Variants in SCEL observed in about 807,000 individuals in gnomAD.
SCEL encodes sciellin.
Under a neutral mutation model 117.6 loss-of-function variants are expected in SCEL, and 113 were observed. The ratio of observed to expected loss-of-function variants is 0.96; its 90% CI spans 0.83 to 1.12. The LOEUF (loss-of-function observed/expected upper bound fraction) is 1.12, where lower values mean the gene tolerates loss of function less well. Ranked by LOEUF, SCEL falls within the 50% of genes most tolerant of loss-of-function variation. The pLI, the probability that SCEL is intolerant of heterozygous loss-of-function variation, is 0.00. For missense variants in SCEL, 785 were observed against 810.8 expected, an observed-to-expected ratio of 0.97 and a Z score of 0.39; for synonymous variants, 270 against 256.2, an observed-to-expected ratio of 1.05 and a Z score of -0.51.
At chr13:77,589,066 A>G (rs2154399878) in intron 9 of SCEL, 78 bp from the exon 10 acceptor site, 2 of 1,026,174 alleles carry the variant, frequency 1.9e-6, no homozygotes, top group African/African-American at 3.2e-5. Flanking sequence ...TATGTAGGCA[A>G]TAAATGCATT....
At chr13:77,604,602 C>T (rs2087985120) in intron 19 of SCEL, among the ~76,000 whole-genome samples, 187 bp downstream of exon 19, 2 of 152,146 alleles carry the variant, frequency 1.3e-5, no homozygotes, top group South Asian at 4.1e-4. Context: ...GCATTTTATT[C>T]TTGGGCAAAG....
At chr13:77,587,907 A>T (rs1194510121) in intron 9 of SCEL, among the ~76,000 whole-genome samples, 3 of 152,050 alleles carry the variant, frequency 2.0e-5, no homozygotes, top group Non-Finnish European at 4.4e-5. Flanking sequence ...TAAGCTAATG[A>T]TGGCTGTATT....
chr13:77,583,221 T>A (rs1460910058), intron 9 of SCEL, among the ~76,000 whole-genome samples: 1 of 152,202 alleles, frequency 6.6e-6, no homozygotes, highest in Non-Finnish European at 1.5e-5. Context: ...GCCAATCTCC[T>A]CCTTTTATAG....
intron 1 of SCEL, among the ~76,000 whole-genome samples, chr13:77,541,443 G>A (rs1158695138): frequency 6.6e-6 from 1 of 152,122 alleles, no homozygotes; most frequent in Non-Finnish European, 1.5e-5. Flanking sequence ...GAATATTTTA[G>A]AAATTATACA....
At chr13:77,556,736 G>A (rs746550260) in intron 3 of SCEL, 23 bp downstream of exon 3, 2 of 1,518,022 alleles carry the variant, frequency 1.3e-6, no homozygotes, top group Admixed American at 3.3e-5. Flanking sequence ...GGAGCGTGGT[G>A]GGTGGACAGA....
chr13:77,609,137 C>CT lies in SCEL; in HGVS notation c.1277+26dup, dbSNP rs761566684. The CT allele has an allele frequency of 4.5e-6, 7 of 1,563,178 alleles. No homozygotes were observed. The highest frequency in any genetic ancestry group is 2.3e-5 in the East Asian group (1 of 43,436). Reference sequence around the variant, plus strand: ...TGAAGGGTAAGATTTAATAAGCTCCCTTTTTTGTTTCATAGTAACCAATGC... The same window carrying CT: ...TGAAGGGTAAGATTTAATAAGCTCCCTTTTTTTGTTTCATAGTAACCAATGC... On this transcript the variant is annotated intron_variant, in intron 21 of 32. Transcript: ENST00000349847.
At chr13:77,587,362 A>C (rs375230889) in intron 9 of SCEL, among the ~76,000 whole-genome samples, 1 of 151,956 alleles carries the variant, frequency 6.6e-6, no homozygotes, top group Non-Finnish European at 1.5e-5. Context: ...TCCTGCATCA[A>C]TGATTCACTG....
At chr13:77,623,702 A>C in intron 27 of SCEL, among the ~76,000 whole-genome samples, 1 of 152,220 alleles carries the variant, frequency 6.6e-6, no homozygotes, top group East Asian at 1.9e-4. Flanking sequence ...TCAGATCCAA[A>C]CCATTCTTTC....
chr13:77,561,333 A>G (rs147878561), intron 4 of SCEL, among the ~76,000 whole-genome samples: 100 of 152,330 alleles, frequency 6.6e-4, no homozygotes, highest in African/African-American at 2.4e-3. Flanking sequence ...TTCATATTTT[A>G]AATTGTATTC....
At chr13:77,620,506 A>G (rs1312656587) in intron 27 of SCEL, among the ~76,000 whole-genome samples, 1 of 152,224 alleles carries the variant, frequency 6.6e-6, no homozygotes, top group Non-Finnish European at 1.5e-5. Context: ...GGGGCTGAAC[A>G]AACTACAGCC....
intron 9 of SCEL, among the ~76,000 whole-genome samples, chr13:77,586,325 T>C (rs1282567228): frequency 6.6e-6 from 1 of 152,238 alleles, no homozygotes; most frequent in East Asian, 1.9e-4. Flanking sequence ...TTACAAGACT[T>C]CTACTTCAAA....
At chr13:77,611,712 T>C (rs1303541395) in intron 22 of SCEL, among the ~76,000 whole-genome samples, 1 of 152,210 alleles carries the variant, frequency 6.6e-6, no homozygotes, top group Non-Finnish European at 1.5e-5. Flanking sequence ...TTTTGCTAGC[T>C]GTGTAGTCTT....
chr13:77,550,608 A>G (rs2084261476), intron 1 of SCEL, among the ~76,000 whole-genome samples: 1 of 152,062 alleles, frequency 6.6e-6, no homozygotes, highest in African/African-American at 2.4e-5. Context: ...TATCAATGGA[A>G]TCATACAATG....
intron 3 of SCEL, among the ~76,000 whole-genome samples, chr13:77,556,946 A>G (rs2084695099): frequency 6.6e-6 from 1 of 152,200 alleles, no homozygotes; most frequent in African/African-American, 2.4e-5. Flanking sequence ...CATTACTGAG[A>G]GAGAGCCTGG....
intron 19 of SCEL, among the ~76,000 whole-genome samples, chr13:77,605,864 G>C (rs553003492): frequency 6.6e-6 from 1 of 152,018 alleles, no homozygotes; most frequent in African/African-American, 2.4e-5. Context: ...AAGTTAGCTG[G>C]GCGTCCCAAC....
intron 11 of SCEL, among the ~76,000 whole-genome samples, chr13:77,592,574 T>G (rs2086936782): frequency 6.6e-6 from 1 of 150,778 alleles, no homozygotes; most frequent in Admixed American, 6.6e-5. Flanking sequence ...TTTTTTTTTT[T>G]TTTTGACAGG....
intron 11 of SCEL, 63 bp downstream of exon 11, chr13:77,591,523 C>A: frequency 1.1e-6 from 1 of 951,204 alleles, no homozygotes; most frequent in Admixed American, 2.3e-5. Context: ...TTTCTCAGCA[C>A]ATTAAAAAAT....
At chr13:77,565,130 C>A (rs761039069) in intron 5 of SCEL, among the ~76,000 whole-genome samples, 2 of 152,096 alleles carry the variant, frequency 1.3e-5, no homozygotes, top group African/African-American at 4.8e-5. Flanking sequence ...TGCATCTGAA[C>A]GTTTATGTCA....
chr13:77,537,892 C>T (rs779656697), intron 1 of SCEL, among the ~76,000 whole-genome samples: 2 of 152,150 alleles, frequency 1.3e-5, no homozygotes, highest in Non-Finnish European at 2.9e-5. Context: ...GCATCAACTC[C>T]CAGCATTTCT....
Sources: gnomAD v4.1 joint callset for allele counts (sites outside exome capture counted in the v4.1 genomes callset) on GRCh38, gnomAD v4.1.1 for gene constraint, MANE v1.5 for transcripts, NCBI Gene and HGNC (gene_info 2026-07-23, HGNC 2026-07-21) for gene names.